The following CEP126 variants were observed in gnomAD, a reference collection of about 807,000 sequenced individuals.
CEP126 encodes the protein centrosomal protein of 126 kDa.
CEP126 carries 74 observed loss-of-function variants against 107.8 expected under a neutral mutation model. The ratio of observed to expected loss-of-function variants is 0.69; its 90% CI spans 0.57 to 0.83. The LOEUF is 0.83. Among genes scored for constraint, CEP126 ranks in the 40% least tolerant of loss-of-function variants. CEP126 has a pLI of 0.00. For missense variants in CEP126, 1,237 were observed against 1,281.9 expected, an observed-to-expected ratio of 0.96 and a Z score of 0.53; for synonymous variants, 449 against 446.0, an observed-to-expected ratio of 1.01 and a Z score of -0.08.
chr11:101,916,875 C>T (rs868128938), intron 1 of CEP126, among the ~76,000 whole-genome samples: 1 of 151,796 alleles, frequency 6.6e-6, no homozygotes, highest in Non-Finnish European at 1.5e-5. Flanking sequence ...TGAACACAAC[C>T]AAATAGACTC....
intron 1 of CEP126, among the ~76,000 whole-genome samples, chr11:101,918,306 T>C (rs147378708): frequency 0.013 from 1,917 of 152,036 alleles, 41 homozygotes; most frequent in African/African-American, 0.044. Context: ...AAATTAGCTG[T>C]GTGTTGTGGT....
intron 2 of CEP126, among the ~76,000 whole-genome samples, chr11:101,929,167 C>T (rs1243133155): frequency 1.3e-5 from 2 of 152,086 alleles, no homozygotes; most frequent in Non-Finnish European, 2.9e-5. Context: ...ATCATGGCTG[C>T]TTTAAAATGT....
chr11:101,944,022 A>C (rs1265693479), intron 2 of CEP126, among the ~76,000 whole-genome samples: 1 of 152,142 alleles, frequency 6.6e-6, no homozygotes, highest in Non-Finnish European at 1.5e-5. Flanking sequence ...CCTGCCAGAA[A>C]TTAGAAAGGG....
intron 10 of CEP126, among the ~76,000 whole-genome samples, chr11:101,996,583 C>G (rs759459413): frequency 6.6e-6 from 1 of 152,092 alleles, no homozygotes; most frequent in Non-Finnish European, 1.5e-5. Flanking sequence ...TAAAAATAAG[C>G]GGTCTCTTAT....
chr11:101,954,212 G>C (rs1452043190), intron 4 of CEP126, among the ~76,000 whole-genome samples: 1 of 152,088 alleles, frequency 6.6e-6, no homozygotes, highest in African/African-American at 2.4e-5. Context: ...ATTTTTAGTA[G>C]AGACTGGGTT....
intron 2 of CEP126, among the ~76,000 whole-genome samples, chr11:101,924,037 G>A (rs1298359061): frequency 6.6e-6 from 1 of 152,020 alleles, no homozygotes; most frequent in African/African-American, 2.4e-5. Context: ...TTAATAGCAA[G>A]CCTTTATGGA....
In CEP126 at chr11:101,963,165, TTTG is replaced by T. The variant is rs767202034; in HGVS notation, c.2131_2133del (p.Leu711del). ...GAGGATCTGGAGCAGACCATATGCC[TTTG>T]AACTGTTTTATACCTTCAGGTTATA... is the stretch of plus-strand genomic sequence containing the variant. On this transcript the variant is annotated inframe_deletion, in exon 6 of 11. Transcript: ENST00000263468. The T allele has an allele frequency of 7.4e-6, 12 of 1,614,044 alleles. No individual in the cohort carries two copies. The highest frequency in any genetic ancestry group is 1.0e-5 in the Non-Finnish European group (12 of 1,179,996).
chr11:101,924,548 C>G (rs907042629), intron 2 of CEP126, among the ~76,000 whole-genome samples: 6 of 152,112 alleles, frequency 3.9e-5, no homozygotes, highest in African/African-American at 1.4e-4. Context: ...TCACTGCAAC[C>G]TCCGCCTCCC....
Position 101,915,273 on chromosome 11 carries a change from C to G in CEP126, c.-12C>G. ...TCTGGGGGCGAGCAGACAGGCGGCGCTGAAGTGAAGGATGCTGGCGGGGAG... is the reference window on the plus strand; with the variant it reads ...TCTGGGGGCGAGCAGACAGGCGGCGGTGAAGTGAAGGATGCTGGCGGGGAG... On this transcript the variant is annotated 5_prime_UTR_variant, in exon 1 of 11. Coordinates refer to ENST00000263468, the MANE Select transcript of CEP126 (RefSeq NM_020802.4). The G allele has an allele frequency of 6.2e-7, 1 of 1,613,236 alleles. No individual in the cohort carries two copies. The highest frequency in any genetic ancestry group is 8.5e-7 in the Non-Finnish European group (1 of 1,179,818).
intron 1 of CEP126, among the ~76,000 whole-genome samples, chr11:101,920,345 CAT>C (rs1230700164): frequency 6.6e-6 from 1 of 152,106 alleles, no homozygotes; most frequent in South Asian, 2.1e-4. Flanking sequence ...TTATGTACCG[CAT>C]AGTTTATTAT....
At chr11:101,980,037 C>T (rs1474641420) in intron 7 of CEP126, among the ~76,000 whole-genome samples, 1 of 151,978 alleles carries the variant, frequency 6.6e-6, no homozygotes, top group Admixed American at 6.6e-5. Flanking sequence ...ATAGGAAGTA[C>T]TGATTTTTAT....
rs760950111 is a variant in CEP126, at chr11:101,961,988, C to T, written c.953C>T (p.Ala318Val). 4.3e-6 allele frequency: 7 copies of T among 1,611,840 alleles called. No individual in the cohort carries two copies. The South Asian group carries it at 5.5e-5, about 13-fold the overall frequency. ...HINNWLTNLD[A>V]SNTQNVTAFS... ...AATAATTGGCTTACAAATTTAGATG[C>T]TTCAAATACTCAGAATGTCACAGCT... Residue 318 changes from alanine (A) to valine (V), a missense_variant, in exon 6 of 11, where the codon GCT (alanine) becomes GTT (valine). Physicochemically the swap from Ala to Val is moderately conservative, Grantham distance 64. This residue lies in a region of CEP126 where 1,134 missense variants were observed against 1,150.5 expected (regional missense o/e 0.99). Transcript: ENST00000263468.
intron 5 of CEP126, among the ~76,000 whole-genome samples, chr11:101,959,907 A>G (rs1940949756): frequency 6.6e-6 from 1 of 152,238 alleles, no homozygotes; most frequent in African/African-American, 2.4e-5. Flanking sequence ...GTGAGACCAT[A>G]TAAAGCCATC....
chr11:101,959,538 CAT>C (rs1304488410), intron 5 of CEP126, among the ~76,000 whole-genome samples: 5 of 152,100 alleles, frequency 3.3e-5, no homozygotes, highest in South Asian at 2.1e-4. Flanking sequence ...ACTTACTAGA[CAT>C]GTGAAGAATC....
chr11:101,957,939 A>G (rs1195789933), intron 4 of CEP126, among the ~76,000 whole-genome samples: 1 of 152,192 alleles, frequency 6.6e-6, no homozygotes, highest in African/African-American at 2.4e-5. Context: ...GGGCATTCCT[A>G]TATGAAGGTG....
intron 4 of CEP126, among the ~76,000 whole-genome samples, chr11:101,949,094 A>G (rs1940776957): frequency 6.6e-6 from 1 of 152,206 alleles, no homozygotes; most frequent in African/African-American, 2.4e-5. Context: ...AAGTGAGTGG[A>G]TGGCATTTTA....
chr11:101,978,519 G>C, intron 7 of CEP126, 60 bp downstream of exon 7: 1 of 1,023,028 alleles, frequency 9.8e-7, no homozygotes, highest in Non-Finnish European at 1.5e-6. Context: ...GGAAAACAGA[G>C]GTTCTTAAAG....
intron 2 of CEP126, among the ~76,000 whole-genome samples, chr11:101,942,238 C>T (rs916665139): frequency 6.6e-6 from 1 of 152,052 alleles, no homozygotes; most frequent in African/African-American, 2.4e-5. Context: ...TGTATGTTCT[C>T]TTCTGAGTTT....
rs193231558 is a variant in CEP126, at chr11:101,937,340, A to G, written c.249-6925A>G. 8.3e-4 allele frequency among the ~76,000 whole-genome samples: 127 copies of G among 152,358 alleles called. 1 individual carries two copies. Among genetic ancestry groups the G allele is most frequent in the African/African-American group, 2.9e-3 (122 of 41,590 alleles). On this transcript the variant is annotated intron_variant, in intron 2 of 10. Coordinates refer to ENST00000263468, the MANE Select transcript of CEP126 (RefSeq NM_020802.4). ...AAAAGTAAAAAATATGACAGATAAC[A>G]TTAACACATTGAAAAAATAACGTGT...
Sources: gnomAD v4.1 joint callset for allele counts (sites outside exome capture counted in the v4.1 genomes callset) on GRCh38, gnomAD v4.1.1 for gene constraint, gnomAD v4.1.1 regional missense constraint, MANE v1.5 for transcripts, NCBI Gene and HGNC (gene_info 2026-07-23, HGNC 2026-07-21) for gene names.